DBN1: variants seen among roughly 807,000 people sequenced by gnomAD.
DBN1 encodes drebrin.
A neutral mutation model predicts 83.5 loss-of-function variants in DBN1; 21 were observed. The ratio of observed to expected loss-of-function variants is 0.25; its 90% CI spans 0.18 to 0.36. The LOEUF (loss-of-function observed/expected upper bound fraction) is 0.36. Among genes scored for constraint, DBN1 ranks in the 10% least tolerant of loss-of-function variants. The probability of loss-of-function intolerance (pLI) is 1.00; values close to 1 mark genes in which losing one functional copy is unlikely to be tolerated. For missense variants in DBN1, 874 were observed against 935.7 expected (o/e 0.93, Z 0.86); for synonymous variants, 381 against 384.9 (o/e 0.99, Z 0.12).
At chr5:177,472,421 G>GT in intron 1 of DBN1, 1 of 1,399,894 alleles carries the variant, frequency 7.1e-7, no homozygotes. Flanking sequence ...ATTACGGGGG[G>GT]GTTAAAGGAT....
At chr5:177,462,638 C>T (rs576445198) in intron 8 of DBN1, among the ~76,000 whole-genome samples, 123 of 152,322 alleles carry the variant, frequency 8.1e-4, no homozygotes, top group African/African-American at 2.8e-3. Context: ...GCTTCTTAGT[C>T]GGTGTCCCCT....
rs1756582556 is a variant in DBN1, at chr5:177,457,394, G to A, written c.*39C>T. 6.4e-7 allele frequency: 1 copy of A among 1,573,468 alleles called. No individual in the cohort carries two copies. Among genetic ancestry groups the A allele is most frequent in the African/African-American group, 1.3e-5 (1 of 74,270 alleles). On this transcript the variant is annotated 3_prime_UTR_variant, in exon 15 of 15. Transcript: ENST00000393565. ...GTCTGGCCAGAGGCTGATGCAGGTG[G>A]GCGGCCTTGGCAAGGGTAGCCTAGG... is the stretch of plus-strand genomic sequence containing the variant.
At position 177,460,428 on chromosome 5, in the gene DBN1, C is replaced by T; in HGVS notation, c.955+4G>A. ...GCCGGACGGGGGGTGGGGCCTAGGA[C>T]TACCTGGTCGATGGTTGAAGGGCGA... is the stretch of plus-strand genomic sequence containing the variant. On this transcript the variant is annotated splice_donor_region_variant and intron_variant, in intron 10 of 14. Transcript: ENST00000393565. 6.2e-7 allele frequency: 1 copy of T among 1,613,520 alleles called. No individual in the cohort carries two copies. Among genetic ancestry groups the T allele is most frequent in the South Asian group, 1.1e-5 (1 of 91,066 alleles).
At chr5:177,465,947 G>A (rs1354058785) in intron 8 of DBN1, among the ~76,000 whole-genome samples, 3 of 152,008 alleles carry the variant, frequency 2.0e-5, no homozygotes, top group Non-Finnish European at 2.9e-5. Flanking sequence ...GCAGGTGGCA[G>A]GTGTGTGTTG....
At position 177,472,089 on chromosome 5, in the gene DBN1, G is replaced by A. The variant is rs999514323; in HGVS notation, c.86+1347C>T. 8.2e-6 allele frequency: 13 copies of A among 1,592,206 alleles called. No homozygotes were observed. In the African/African-American group the frequency reaches 8.2e-5, roughly 10 times the overall value. ...ACAATGGGTGGGCCGCCTGCCTGCT[G>A]AGCCTGTGCCGGCCTCTCCTGTGAC... is the stretch of plus-strand genomic sequence containing the variant. On this transcript the variant is annotated intron_variant, in intron 1 of 14. Transcript: ENST00000393565.
chr5:177,458,737 A>G, intron 12 of DBN1, 30 bp from the exon 13 acceptor site: 1 of 1,478,018 alleles, frequency 6.8e-7, no homozygotes, highest in Non-Finnish European at 8.9e-7. Flanking sequence ...GGAGATATGT[A>G]ACCGGCTCCC....
chr5:177,464,658 T>C (rs1757295108), intron 8 of DBN1, among the ~76,000 whole-genome samples: 1 of 150,154 alleles, frequency 6.7e-6, no homozygotes, highest in Non-Finnish European at 1.5e-5. Flanking sequence ...ATAAACTTTA[T>C]CTGCTGGGTG....
At chr5:177,469,280 G>T (rs368344958) in intron 1 of DBN1, among the ~76,000 whole-genome samples, 1 of 152,184 alleles carries the variant, frequency 6.6e-6, no homozygotes, top group African/African-American at 2.4e-5. Flanking sequence ...CTAGTGCCAG[G>T]AACTTACCTG....
chr5:177,466,097 G>A lies in DBN1; in HGVS notation c.771+675C>T, dbSNP rs952394657. 3.9e-5 allele frequency among the ~76,000 whole-genome samples: 6 copies of A among 152,048 alleles called. No homozygotes were observed. Among genetic ancestry groups the A allele is most frequent in the Non-Finnish European group, 7.4e-5 (5 of 68,018 alleles). ...CTCTCAGCCTCCTGTGGGTGACTCC[G>A]GAGCCCGTTTGAGTCCCCACAGCCA... On this transcript the variant is annotated intron_variant, in intron 8 of 14. Coordinates refer to ENST00000393565, the MANE Select transcript of DBN1 (RefSeq NM_001363541.2). The surrounding 1 kb of genome is among the most constrained non-coding windows in gnomAD (Gnocchi z 4.8).
intron 13 of DBN1, 134 bp from the exon 14 acceptor site, chr5:177,457,891 G>C: frequency 1.3e-6 from 1 of 741,262 alleles, no homozygotes; most frequent in Non-Finnish European, 2.1e-6. Context: ...CCTGCCTTGG[G>C]AACAAAAGCA....
In DBN1 at chr5:177,467,070, C is replaced by T. The variant is rs778369723; in HGVS notation, c.556-8G>A. 5.0e-6 allele frequency: 8 copies of T among 1,613,538 alleles called. No individual in the cohort carries two copies. Among genetic ancestry groups the T allele is most frequent in the South Asian group, 1.1e-5 (1 of 91,070 alleles). ...CCGCAGCTCTTCTTCCTTCTGCAAG[C>T]CCCGGTGCGAACAAGGGTAGGCCCC... On this transcript the variant is annotated splice_region_variant and splice_polypyrimidine_tract_variant and intron_variant, in intron 6 of 14. Transcript: ENST00000393565. The surrounding 1 kb of genome is among the most constrained non-coding windows in gnomAD (Gnocchi z 9.1).
At chr5:177,468,365 T>G (rs1052985045) in intron 2 of DBN1, 145 bp from the exon 3 acceptor site, 1 of 664,370 alleles carries the variant, frequency 1.5e-6, no homozygotes, top group African/African-American at 1.8e-5. Context: ...GTCCCAGTTT[T>G]GTGTTGGTAT....
At position 177,466,640 on chromosome 5, in the gene DBN1, CCT is replaced by C; in HGVS notation, c.771+130_771+131del. ...TGCCAGGCCTCATGCTCCATGGCACCCTGTGCCCATGCAGCTCCCCAGAACAG... is the reference window on the plus strand; with the variant it reads ...TGCCAGGCCTCATGCTCCATGGCACCGTGCCCATGCAGCTCCCCAGAACAG... On this transcript the variant is annotated intron_variant, in intron 8 of 14. Transcript: ENST00000393565. The surrounding 1 kb of genome is among the most constrained non-coding windows in gnomAD (Gnocchi z 4.8). 1 of 1,031,870 alleles carries C rather than the reference CCT, an allele frequency of 9.7e-7. No homozygotes were observed. The highest frequency in any genetic ancestry group is 1.5e-6 in the Non-Finnish European group (1 of 657,346). The allele number at this position is 1,031,870 out of a possible 1,614,324, so 63.9% of individuals were successfully genotyped here. A position where few individuals can be genotyped will look rare whatever the true frequency, so the allele number is the denominator to read the frequency against.
At position 177,466,833 on chromosome 5, in the gene DBN1, C is replaced by T; in HGVS notation, c.710G>A (p.Arg237Lys). ...TTCCGCTTCTAAAGTCTGCTGTTTC[C>T]TCCTGGAACGATAAGCAGCCAGCAC... Reference protein sequence around the residue: ...EREQQIEEHRRKQQTLEAEEA... With the variant: ...EREQQIEEHRKKQQTLEAEEA... The change falls in exon 8 of 15, where the codon AGG (arginine) becomes AAG (lysine). Residue 237 changes from arginine (R) to lysine (K), a missense_variant and splice_region_variant. Physicochemically the swap from Arg to Lys is conservative, Grantham distance 26. Around this residue, in one of 4 missense-constraint regions of DBN1, gnomAD observed 725 missense variants for 719.7 expected, o/e 1.01. Transcript: ENST00000393565. This position sits in a 1 kb window ranked among gnomAD's most constrained non-coding sequence, Gnocchi z 4.8. 5.6e-6 allele frequency: 9 copies of T among 1,614,158 alleles called. No individual in the cohort carries two copies. Among genetic ancestry groups the T allele is most frequent in the Non-Finnish European group, 5.1e-6 (6 of 1,180,010 alleles).
At chr5:177,468,330 GTCTTC>G in intron 2 of DBN1, 110 bp from the exon 3 acceptor site, 12 of 913,316 alleles carry the variant, frequency 1.3e-5, no homozygotes, top group Non-Finnish European at 1.8e-6. Flanking sequence ...ACCCCCAGGG[GTCTTC>G]TGGCCTCTGG....
chr5:177,464,969 ATG>A (rs1757336152), intron 8 of DBN1, among the ~76,000 whole-genome samples: 1 of 152,090 alleles, frequency 6.6e-6, no homozygotes, highest in African/African-American at 2.4e-5. Flanking sequence ...CCTGGCTAAC[ATG>A]GTGAAACCCC....
At position 177,468,240 on chromosome 5, in the gene DBN1, G is replaced by A; in HGVS notation, c.143-20C>T. On this transcript the variant is annotated intron_variant, in intron 2 of 14. Transcript: ENST00000393565. ...CCCCTTCTAGGGTAATCAGGAGAGTGTCAGGTCTCTCTGCCTCCTAAACCC... is the reference window on the plus strand; with the variant it reads ...CCCCTTCTAGGGTAATCAGGAGAGTATCAGGTCTCTCTGCCTCCTAAACCC... 2 of 1,601,520 alleles carry A rather than the reference G, an allele frequency of 1.2e-6. No individual in the cohort carries two copies. The highest frequency in any genetic ancestry group is 1.7e-4 in the Middle Eastern group (1 of 6,020).
In DBN1 at chr5:177,467,806, A is replaced by C; in HGVS notation, c.267T>G (p.Asp89Glu). ...KYVLINWVGE[D>E]VPDARKCACA... ...AAGCGCACTTGCGGGCATCAGGCAC[A>C]TCTTCGCCCACCTGCAAAGTACCCA... Residue 89 changes from aspartate (D) to glutamate (E), a missense_variant, in exon 4 of 15, where the codon GAT becomes GAG. Physicochemically the swap from Asp to Glu is conservative, Grantham distance 45. Transcript: ENST00000393565. The surrounding 1 kb of genome is among the most constrained non-coding windows in gnomAD (Gnocchi z 9.1). 6.4e-7 allele frequency: 1 copy of C among 1,560,282 alleles called. No individual in the cohort carries two copies. The highest frequency in any genetic ancestry group is 8.7e-7 in the Non-Finnish European group (1 of 1,152,372).
At chr5:177,464,758 G>A (rs922380575) in intron 8 of DBN1, among the ~76,000 whole-genome samples, 1 of 152,060 alleles carries the variant, frequency 6.6e-6, no homozygotes, top group Non-Finnish European at 1.5e-5. Context: ...TGGCCAACAT[G>A]GTGAAACCCC....
Sources: gnomAD v4.1 joint callset for allele counts (sites outside exome capture counted in the v4.1 genomes callset) on GRCh38, gnomAD v4.1.1 for gene constraint, gnomAD v4.1.1 regional missense constraint, Gnocchi (gnomAD v3.1) non-coding constraint, MANE v1.5 for transcripts, NCBI Gene and HGNC (gene_info 2026-07-23, HGNC 2026-07-21) for gene names.